The following CNTN5 variants were observed in gnomAD, a reference collection of about 807,000 sequenced individuals.
CNTN5 encodes the protein contactin 5.
A neutral mutation model predicts 129.1 loss-of-function variants in CNTN5; 77 were observed. The observed-to-expected ratio is 0.60, with a 90% CI of 0.50 to 0.72. The LOEUF (loss-of-function observed/expected upper bound fraction) is 0.72. CNTN5 is among the 30% of genes least tolerant of loss of function. The probability of loss-of-function intolerance (pLI) is 0.00; values close to 1 mark genes in which losing one functional copy is unlikely to be tolerated. For synonymous variants in CNTN5, 509 were observed against 465.6 expected (o/e 1.09, Z -1.20); for missense variants, 1,478 against 1,328.8 (o/e 1.11, Z -1.75).
At chr11:99,935,732 A>G (rs563371663) in intron 7 of CNTN5, among the ~76,000 whole-genome samples, 101 of 152,234 alleles carry the variant, frequency 6.6e-4, no homozygotes, top group Non-Finnish European at 1.2e-3. Flanking sequence ...GAGTGTAACA[A>G]TATAAGTTAG....
At chr11:100,028,191 A>G (rs1941524508) in intron 9 of CNTN5, among the ~76,000 whole-genome samples, 1 of 152,120 alleles carries the variant, frequency 6.6e-6, no homozygotes, top group Admixed American at 6.6e-5. Flanking sequence ...TTAACCTACC[A>G]TTCCTTAAAA....
At chr11:99,758,347 C>G (rs529750045) in intron 3 of CNTN5, among the ~76,000 whole-genome samples, 1 of 152,108 alleles carries the variant, frequency 6.6e-6, no homozygotes, top group South Asian at 2.1e-4. Context: ...ATTATATGAT[C>G]CTGCTTACAA....
At chr11:99,151,115 T>C (rs1158680709) in intron 1 of CNTN5, among the ~76,000 whole-genome samples, 3 of 152,184 alleles carry the variant, frequency 2.0e-5, no homozygotes, top group Non-Finnish European at 4.4e-5. Context: ...CTTGAATTTT[T>C]ATCAATTAGG....
At chr11:99,103,432 C>T (rs1053585529) in intron 1 of CNTN5, among the ~76,000 whole-genome samples, 2 of 152,072 alleles carry the variant, frequency 1.3e-5, no homozygotes, top group Non-Finnish European at 2.9e-5. Context: ...GGTCAAATAT[C>T]TTTATTATTT....
intron 9 of CNTN5, among the ~76,000 whole-genome samples, chr11:100,037,499 G>A (rs1372237478): frequency 6.6e-6 from 1 of 152,058 alleles, no homozygotes; most frequent in Non-Finnish European, 1.5e-5. Flanking sequence ...AGTTAGGGAG[G>A]ATTCCCTCTT....
chr11:100,272,607 G>A (rs1055228945), intron 18 of CNTN5, among the ~76,000 whole-genome samples: 1 of 152,114 alleles, frequency 6.6e-6, no homozygotes, highest in Admixed American at 6.6e-5. Context: ...GAGGGACCCA[G>A]AGGACTAGAG....
intron 1 of CNTN5, among the ~76,000 whole-genome samples, chr11:99,246,336 G>A (rs1481598791): frequency 6.6e-6 from 1 of 152,158 alleles, no homozygotes; most frequent in Non-Finnish European, 1.5e-5. Context: ...AACTGGCAAA[G>A]GCAGTGCAGG....
chr11:99,102,539 C>G (rs1036790018), intron 1 of CNTN5, among the ~76,000 whole-genome samples: 1 of 152,152 alleles, frequency 6.6e-6, no homozygotes, highest in African/African-American at 2.4e-5. Flanking sequence ...TAAATAATCT[C>G]CCTCAGGCTC....
intron 10 of CNTN5, among the ~76,000 whole-genome samples, chr11:100,065,769 T>G (rs1943670868): frequency 6.6e-6 from 1 of 152,132 alleles, no homozygotes; most frequent in Admixed American, 6.6e-5. Flanking sequence ...TAATTTCTAC[T>G]TTCTATATAC....
chr11:99,339,572 G>C (rs778981924), intron 2 of CNTN5, among the ~76,000 whole-genome samples: 3 of 152,104 alleles, frequency 2.0e-5, no homozygotes, highest in Admixed American at 1.3e-4. Context: ...GAAGTCAGGA[G>C]ATCGAGACCA....
intron 3 of CNTN5, among the ~76,000 whole-genome samples, chr11:99,795,456 T>C (rs1028794216): frequency 4.6e-5 from 7 of 152,198 alleles, no homozygotes; most frequent in African/African-American, 1.4e-4. Context: ...AATCATTTTC[T>C]GGGGAACTAG....
chr11:99,202,795 G>A (rs1456789741), intron 1 of CNTN5, among the ~76,000 whole-genome samples: 5 of 150,664 alleles, frequency 3.3e-5, no homozygotes, highest in Non-Finnish European at 5.9e-5. Flanking sequence ...TATATTTTAA[G>A]TCATAATTTA....
chr11:100,253,440 T>G (rs1421040097), intron 16 of CNTN5, among the ~76,000 whole-genome samples: 1 of 152,158 alleles, frequency 6.6e-6, no homozygotes, highest in African/African-American at 2.4e-5. Flanking sequence ...TCTTTGAGAT[T>G]CTATTACCTC....
chr11:99,126,830 C>T (rs1375321114), intron 1 of CNTN5, among the ~76,000 whole-genome samples: 1 of 152,140 alleles, frequency 6.6e-6, no homozygotes, highest in Non-Finnish European at 1.5e-5. Context: ...TTCCTCTTTG[C>T]TGTATTATCT....
At chr11:99,217,552 C>T (rs559511133) in intron 1 of CNTN5, among the ~76,000 whole-genome samples, 42 of 152,298 alleles carry the variant, frequency 2.8e-4, no homozygotes, top group Middle Eastern at 3.4e-3. Context: ...TCGCAGGTGA[C>T]ATCAATGCTA....
chr11:99,950,555 T>G (rs1950650314), intron 7 of CNTN5, among the ~76,000 whole-genome samples: 1 of 152,248 alleles, frequency 6.6e-6, no homozygotes, highest in Admixed American at 6.5e-5. Flanking sequence ...CTTTATTCTA[T>G]TGTAACTTTC....
intron 1 of CNTN5, among the ~76,000 whole-genome samples, chr11:99,157,368 C>T (rs183996111): frequency 6.6e-5 from 10 of 152,150 alleles, no homozygotes; most frequent in African/African-American, 2.4e-4. Context: ...TGCATTTCCT[C>T]ATTTATATTT....
At chr11:99,658,154 C>T (rs1375085186) in intron 3 of CNTN5, among the ~76,000 whole-genome samples, 1 of 150,308 alleles carries the variant, frequency 6.7e-6, no homozygotes. Context: ...AAAAGCAAAA[C>T]AAAAAAAAAT....
At chr11:99,755,885 T>G (rs915360258) in intron 3 of CNTN5, among the ~76,000 whole-genome samples, 2 of 152,120 alleles carry the variant, frequency 1.3e-5, no homozygotes, top group African/African-American at 4.8e-5. Context: ...GGTATGATTA[T>G]GAATAAAAGC....
Sources: allele counts gnomAD v4.1 joint callset (sites outside exome capture counted in the v4.1 genomes callset), GRCh38; gene constraint gnomAD v4.1.1; transcripts MANE v1.5; gene names NCBI Gene and HGNC (gene_info 2026-07-23, HGNC 2026-07-21).